The following EPN2 variants were observed in gnomAD, a reference collection of about 807,000 sequenced individuals.
The protein encoded by EPN2 is epsin-2.
EPN2 carries 34 observed loss-of-function variants against 61.7 expected under a neutral mutation model. The observed-to-expected ratio is 0.55, with a 90% CI of 0.42 to 0.73. The LOEUF (loss-of-function observed/expected upper bound fraction) is 0.73. Among genes scored for constraint, EPN2 ranks in the 30% least tolerant of loss-of-function variants. EPN2 has a pLI of 0.00. For missense variants in EPN2, 714 were observed against 839.2 expected (o/e 0.85, Z 1.84); for synonymous variants, 349 against 353.6 (o/e 0.99, Z 0.15).
chr17:19,279,763 A>C (rs954687905), intron 1 of EPN2: 10 of 150,046 alleles, frequency 6.7e-5, no homozygotes, highest in African/African-American at 2.5e-4. Flanking sequence ...TTTTCTTAGG[A>C]CATTCTCAAC....
chr17:19,258,631 GCTAA>G (rs1390250382), intron 1 of EPN2, among the ~76,000 whole-genome samples: 1 of 152,218 alleles, frequency 6.6e-6, no homozygotes, highest in Non-Finnish European at 1.5e-5. Flanking sequence ...AGACTCAGCA[GCTAA>G]CTGTGATTTA....
At chr17:19,237,792 C>T (rs1393354389) in intron 1 of EPN2, among the ~76,000 whole-genome samples, 2 of 152,102 alleles carry the variant, frequency 1.3e-5, no homozygotes, top group Admixed American at 6.5e-5. Context: ...GATCTCCCCC[C>T]TTACCCGTCC....
chr17:19,327,697 T>C (rs954593118), intron 7 of EPN2, among the ~76,000 whole-genome samples: 3 of 151,996 alleles, frequency 2.0e-5, no homozygotes, highest in Non-Finnish European at 4.4e-5. Context: ...CACACACATA[T>C]TTAGACACAC....
intron 4 of EPN2, among the ~76,000 whole-genome samples, chr17:19,297,540 G>C (rs1246215414): frequency 6.6e-6 from 1 of 152,222 alleles, no homozygotes. Context: ...CTTGTTTTTG[G>C]TGGGCCCCAT....
At position 19,285,589 on chromosome 17, in the gene EPN2, CTGTGTGTGTG is replaced by C; in HGVS notation, c.596-23_596-14del. The C allele has an allele frequency of 7.0e-7, 1 of 1,427,166 alleles. No homozygotes were observed. Among genetic ancestry groups the C allele is most frequent in the Non-Finnish European group, 9.3e-7 (1 of 1,070,510 alleles). The allele number at this position is 1,427,166 out of a possible 1,614,324, so 88.4% of individuals were successfully genotyped here. On this transcript the variant is annotated intron_variant, in intron 3 of 10. Coordinates refer to ENST00000314728, the MANE Select transcript of EPN2 (RefSeq NM_014964.5). This position sits in a 1 kb window ranked among gnomAD's most constrained non-coding sequence, Gnocchi z 4.5. The stretch of plus-strand genomic sequence containing the variant: ...GCGCACCCTCTAATGGCGTGTCTCT[CTGTGTGTGTG>C]TGTGTGTCCCTGCCCCACAGCGCCT...
At chr17:19,320,069 CCTCTGCAGGGG>C (rs1480362739) in intron 7 of EPN2, among the ~76,000 whole-genome samples, 1 of 152,218 alleles carries the variant, frequency 6.6e-6, no homozygotes, top group Admixed American at 6.5e-5. Context: ...CTGGTGAGGG[CCTCTGCAGGGG>C]CTCAGGCATC....
At chr17:19,301,598 C>A (rs1248423881) in intron 4 of EPN2, among the ~76,000 whole-genome samples, 1 of 152,222 alleles carries the variant, frequency 6.6e-6, no homozygotes, top group Non-Finnish European at 1.5e-5. Context: ...CTCCAAAGCA[C>A]CTCTGACGGC....
chr17:19,270,056 T>G (rs1170535930), intron 1 of EPN2, among the ~76,000 whole-genome samples: 1 of 152,148 alleles, frequency 6.6e-6, no homozygotes, highest in Non-Finnish European at 1.5e-5. Context: ...TGAGAGCAAA[T>G]CCTAGTCCCA....
intron 4 of EPN2, among the ~76,000 whole-genome samples, chr17:19,290,295 C>T (rs1475129960): frequency 2.0e-5 from 3 of 152,112 alleles, no homozygotes; most frequent in African/African-American, 7.2e-5. Context: ...ATGTTACCCG[C>T]CCCCCGGGCT....
At chr17:19,308,634 T>A in intron 4 of EPN2, 1 of 985,406 alleles carries the variant, frequency 1.0e-6, no homozygotes, top group Non-Finnish European at 1.2e-6. Flanking sequence ...GGGAACAGCC[T>A]GCACGGAGAC....
rs775352456 is a variant in EPN2, at chr17:19,331,855, G to C, written c.1414G>C (p.Glu472Gln). ...CCATATGTGTCCTTGTCTTGTAGCC[G>C]AATCTGTGACCTCTCTGCCATCCCA... Reference protein sequence around the residue: ...DNLRTSKKTAESVTSLPSQNN... With the variant: ...DNLRTSKKTAQSVTSLPSQNN... Residue 472 changes from glutamate to glutamine, a missense_variant and splice_region_variant, in exon 10 of 11, where the codon GAA becomes CAA. Physicochemically the swap from Glu to Gln is conservative, Grantham distance 29. Coordinates refer to ENST00000314728, the MANE Select transcript of EPN2 (RefSeq NM_014964.5). The C allele has an allele frequency of 1.1e-5, 18 of 1,613,732 alleles. No homozygotes were observed. In the Admixed American group the frequency reaches 2.5e-4, roughly 22 times the overall value.
chr17:19,293,739 G>A (rs1346224972), intron 4 of EPN2, among the ~76,000 whole-genome samples: 1 of 151,868 alleles, frequency 6.6e-6, no homozygotes, highest in Non-Finnish European at 1.5e-5. Context: ...TTGGGCCCCA[G>A]ATCTTAAGGA....
chr17:19,289,724 G>GTTTTGTTTTTTTTTTTTTT lies in EPN2; in HGVS notation c.766+3938_766+3939insGTTTTTTTTTTTTTTTTTT, dbSNP rs772230550. ...TGTTCGGCCTCACCTGGCGCTCATG[G>GTTTTGTTTTTTTTTTTTTT]TTTTTTTTTTTTTTTTTTTTGAGAT... On this transcript the variant is annotated intron_variant, in intron 4 of 10. Coordinates refer to ENST00000314728, the MANE Select transcript of EPN2 (RefSeq NM_014964.5). Among the ~76,000 whole-genome samples the GTTTTGTTTTTTTTTTTTTT allele has an allele frequency of 9.7e-4, 76 of 78,048 alleles. 8 individuals are homozygous for GTTTTGTTTTTTTTTTTTTT. Among genetic ancestry groups the GTTTTGTTTTTTTTTTTTTT allele is most frequent in the Admixed American group, 3.7e-3 (20 of 5,350 alleles). 51.2% of individuals were successfully genotyped at this position (78,048 alleles called of 152,430 possible).
At chr17:19,324,610 G>A (rs1288696925) in intron 7 of EPN2, among the ~76,000 whole-genome samples, 1 of 152,182 alleles carries the variant, frequency 6.6e-6, no homozygotes, top group Non-Finnish European at 1.5e-5. Context: ...TGGGATTACA[G>A]GCATGAGCCA....
intron 5 of EPN2, among the ~76,000 whole-genome samples, chr17:19,311,515 A>T (rs1396230414): frequency 1.3e-5 from 2 of 151,982 alleles, no homozygotes; most frequent in East Asian, 3.8e-4. Flanking sequence ...TTATTATATT[A>T]TATAAAAGCT....
rs183676710 is a variant in EPN2, at chr17:19,256,637, T to C, written c.-294+19106T>C. Among the ~76,000 whole-genome samples the C allele has an allele frequency of 6.2e-4, 94 of 152,178 alleles. 1 individual carries two copies. In the Middle Eastern group the frequency reaches 0.014, roughly 22 times the overall value. Reference sequence around the variant, plus strand: ...TATATAGCGTCCAGTGGTTTTCGGCTGGTGGCACCCCGTGGGAAAGCTCTG... The same window carrying C: ...TATATAGCGTCCAGTGGTTTTCGGCCGGTGGCACCCCGTGGGAAAGCTCTG... On this transcript the variant is annotated intron_variant, in intron 1 of 10. Coordinates refer to ENST00000314728, the MANE Select transcript of EPN2 (RefSeq NM_014964.5).
intron 1 of EPN2, among the ~76,000 whole-genome samples, chr17:19,267,990 T>C (rs2045216987): frequency 6.6e-6 from 1 of 152,152 alleles, no homozygotes; most frequent in African/African-American, 2.4e-5. Flanking sequence ...CAAGTGCAGA[T>C]TTCTTGTGTG....
At chr17:19,240,318 T>G (rs537908406) in intron 1 of EPN2, among the ~76,000 whole-genome samples, 3 of 152,058 alleles carry the variant, frequency 2.0e-5, no homozygotes, top group African/African-American at 7.2e-5. Context: ...CAATCTTGGC[T>G]CACTGCAAAC....
Position 19,335,582 on chromosome 17 carries a change from C to CG in EPN2, c.*1331dup. The CG allele has an allele frequency of 9.5e-7, 1 of 1,047,504 alleles. No homozygotes were observed. The highest frequency in any genetic ancestry group is 1.3e-6 in the Non-Finnish European group (1 of 746,150). 64.9% of individuals were successfully genotyped at this position (1,047,504 alleles called of 1,614,324 possible). A position where few individuals can be genotyped will look rare whatever the true frequency, so the allele number is the denominator to read the frequency against. ...GGGGTGGGGGGTGCTTCTGTGCCCACGGGTCCCTGGGCAACAGTCCCTAGG... is the reference window on the plus strand; with the variant it reads ...GGGGTGGGGGGTGCTTCTGTGCCCACGGGGTCCCTGGGCAACAGTCCCTAGG... On this transcript the variant is annotated 3_prime_UTR_variant, in exon 11 of 11. Transcript: ENST00000314728.
Sources: gnomAD v4.1 joint callset for allele counts (sites outside exome capture counted in the v4.1 genomes callset) on GRCh38, gnomAD v4.1.1 for gene constraint, Gnocchi (gnomAD v3.1) non-coding constraint, MANE v1.5 for transcripts, NCBI Gene and HGNC (gene_info 2026-07-23, HGNC 2026-07-21) for gene names.